The following CIDEA variants were observed in gnomAD, a reference collection of about 807,000 sequenced individuals.
The protein encoded by CIDEA is cell death inducing DFFA like effector a.
Under a neutral mutation model 18.2 loss-of-function variants are expected in CIDEA, and 10 were observed. The observed-to-expected ratio is 0.55, with a 90% confidence interval of 0.34 to 0.93. The LOEUF (loss-of-function observed/expected upper bound fraction) is 0.93, where lower values mean the gene tolerates loss of function less well. CIDEA is among the 40% of genes least tolerant of loss of function. CIDEA has a pLI of 0.02. For missense variants in CIDEA, 309 were observed against 293.1 expected (o/e 1.05, Z -0.40); for synonymous variants, 128 against 124.8 (o/e 1.03, Z -0.17).
Position 12,275,856 on chromosome 18 carries a change from C to T in CIDEA, c.513-1267C>T, listed in dbSNP as rs189421805. On this transcript the variant is annotated intron_variant, in intron 4 of 4. Transcript: ENST00000320477. ...CTTTTTTTTGTCTTTTCCTTTTTGCCGGGTTAGGAGAAAATAGCTTTACAC... is the reference window on the plus strand; with the variant it reads ...CTTTTTTTTGTCTTTTCCTTTTTGCTGGGTTAGGAGAAAATAGCTTTACAC... Among the ~76,000 whole-genome samples, 14 of 152,038 alleles carry T rather than the reference C, an allele frequency of 9.2e-5. 1 individual carries two copies. The highest frequency in any genetic ancestry group is 3.4e-4 in the African/African-American group (14 of 41,458).
Position 12,277,333 on chromosome 18 carries a change from G to T in CIDEA, c.*63G>T. The T allele has an allele frequency of 6.3e-7, 1 of 1,576,198 alleles. No homozygotes were observed. The highest frequency in any genetic ancestry group is 8.7e-7 in the Non-Finnish European group (1 of 1,150,866). The stretch of plus-strand genomic sequence containing the variant: ...TGTTTCGTTTGGCTCAATGACGAAT[G>T]TTGAAGATGCTTTTATGTTCTGAGC... On this transcript the variant is annotated 3_prime_UTR_variant, in exon 5 of 5. Transcript: ENST00000320477.
intron 3 of CIDEA, among the ~76,000 whole-genome samples, chr18:12,265,351 C>T (rs769525267): frequency 4.6e-5 from 7 of 152,248 alleles, no homozygotes; most frequent in Admixed American, 6.5e-5. Flanking sequence ...GAGAGGAACA[C>T]GAACACTGAA....
At chr18:12,268,036 A>T (rs921754865) in intron 3 of CIDEA, among the ~76,000 whole-genome samples, 1 of 152,092 alleles carries the variant, frequency 6.6e-6, no homozygotes, top group Non-Finnish European at 1.5e-5. Context: ...ATAGATATAG[A>T]TATTCCCAAT....
At chr18:12,264,752 A>T (rs1026295339) in intron 3 of CIDEA, among the ~76,000 whole-genome samples, 50 of 152,046 alleles carry the variant, frequency 3.3e-4, no homozygotes, top group African/African-American at 1.2e-3. Flanking sequence ...ACGGGGTTTC[A>T]CCGTGTTAGC....
rs186118035 is a variant in CIDEA, at chr18:12,262,357, A to G, written c.39-468A>G. On this transcript the variant is annotated intron_variant, in intron 1 of 4. Transcript: ENST00000320477. ...AGAAACTTCATTGATTGCTATAGTGACCAATATTGCACTTTTGAATTGATT... is the reference window on the plus strand; with the variant it reads ...AGAAACTTCATTGATTGCTATAGTGGCCAATATTGCACTTTTGAATTGATT... 4.2e-4 allele frequency among the ~76,000 whole-genome samples: 64 copies of G among 152,134 alleles called. 1 individual carries two copies. Among genetic ancestry groups the G allele is most frequent in the African/African-American group, 1.2e-3 (50 of 41,450 alleles).
chr18:12,272,605 C>T (rs1912582882), intron 3 of CIDEA, among the ~76,000 whole-genome samples: 1 of 152,202 alleles, frequency 6.6e-6, no homozygotes, highest in Non-Finnish European at 1.5e-5. Context: ...CTCTTGGCCT[C>T]CCAAAGTGCT....
intron 1 of CIDEA, among the ~76,000 whole-genome samples, chr18:12,258,824 C>T (rs1473272571): frequency 6.6e-6 from 1 of 152,238 alleles, no homozygotes; most frequent in Non-Finnish European, 1.5e-5. Flanking sequence ...TCCAGCGGCA[C>T]TTGGGCCTTT....
At chr18:12,255,807 A>C (rs1350669852) in intron 1 of CIDEA, among the ~76,000 whole-genome samples, 1 of 152,144 alleles carries the variant, frequency 6.6e-6, no homozygotes. Flanking sequence ...CCAAAATCCA[A>C]AATGCATCTG....
At position 12,256,939 on chromosome 18, in the gene CIDEA, T is replaced by G. The variant is rs894071418; in HGVS notation, c.38+2518T>G. ...CAGGCAGTCCTTGTCGGGGCGAGTT[T>G]ATCTGGGGGGTAGGTGTGCTCCCAC... On this transcript the variant is annotated intron_variant, in intron 1 of 4. Coordinates refer to ENST00000320477, the MANE Select transcript of CIDEA (RefSeq NM_001279.4). 2.0e-5 allele frequency among the ~76,000 whole-genome samples: 3 copies of G among 152,158 alleles called. No homozygotes were observed. In the South Asian group the frequency reaches 6.2e-4, roughly 32 times the overall value.
At chr18:12,268,497 C>G (rs1343072115) in intron 3 of CIDEA, among the ~76,000 whole-genome samples, 1 of 150,908 alleles carries the variant, frequency 6.6e-6, no homozygotes, top group Non-Finnish European at 1.5e-5. Context: ...CCTGGGCTCC[C>G]CCACCTCAGC....
intron 3 of CIDEA, among the ~76,000 whole-genome samples, chr18:12,266,782 A>G (rs1269589334): frequency 6.8e-6 from 1 of 146,726 alleles, no homozygotes; most frequent in Admixed American, 6.9e-5. Flanking sequence ...TTTTTTTGAG[A>G]CAGAGTCTCA....
At chr18:12,273,022 A>G (rs1039136364) in intron 3 of CIDEA, among the ~76,000 whole-genome samples, 1 of 151,954 alleles carries the variant, frequency 6.6e-6, no homozygotes, top group Non-Finnish European at 1.5e-5. Context: ...CACAGGAGGG[A>G]GAGCTTTTAG....
In CIDEA at chr18:12,277,213, C is replaced by G. The variant is rs201222803; in HGVS notation, c.603C>G (p.Asp201Glu). ...CATACATGCTCCGGGTGCTGGATGA[C>G]AAGGAAGAGCGGCCATCCCTCCGGT... is the stretch of plus-strand genomic sequence containing the variant. ...LGTYMLRVLD[D>E]KEERPSLRSQ... The change falls in exon 5 of 5, where the codon GAC becomes GAG. Residue 201 changes from aspartate (D) to glutamate (E), a missense_variant. Transcript: ENST00000320477. 89 of 1,614,098 alleles carry G rather than the reference C, an allele frequency of 5.5e-5. No individual in the cohort carries two copies. Among genetic ancestry groups the G allele is most frequent in the Non-Finnish European group, 1.7e-6 (2 of 1,180,052 alleles).
At chr18:12,268,096 G>A (rs145899703) in intron 3 of CIDEA, among the ~76,000 whole-genome samples, 40 of 151,984 alleles carry the variant, frequency 2.6e-4, no homozygotes, top group African/African-American at 9.2e-4. Flanking sequence ...ATGGAGTCTC[G>A]CTCTGTCGCC....
At position 12,277,377 on chromosome 18, in the gene CIDEA, G is replaced by T. The variant is rs541239284; in HGVS notation, c.*107G>T. ...TCTGAGCCACATGCACTTGGAGGCC[G>T]CTGGTCACGCTGCTCAGGAGTGGTG... On this transcript the variant is annotated 3_prime_UTR_variant, in exon 5 of 5. Coordinates refer to ENST00000320477, the MANE Select transcript of CIDEA (RefSeq NM_001279.4). The T allele has an allele frequency of 8.3e-7, 1 of 1,200,952 alleles. No individual in the cohort carries two copies. The highest frequency in any genetic ancestry group is 1.5e-5 in the African/African-American group (1 of 66,568). The allele number at this position is 1,200,952 out of a possible 1,614,324, so 74.4% of individuals were successfully genotyped here.
chr18:12,267,965 G>A (rs1000555792), intron 3 of CIDEA, among the ~76,000 whole-genome samples: 2 of 152,166 alleles, frequency 1.3e-5, no homozygotes, highest in Non-Finnish European at 2.9e-5. Flanking sequence ...AACCCCGACA[G>A]CAAAGACTTA....
intron 1 of CIDEA, among the ~76,000 whole-genome samples, chr18:12,260,997 T>G (rs950964656): frequency 5.9e-5 from 9 of 152,342 alleles, no homozygotes; most frequent in African/African-American, 2.2e-4. Flanking sequence ...CAGATGCCAC[T>G]ATCACGGTGC....
chr18:12,270,222 G>A (rs1912474418), intron 3 of CIDEA, among the ~76,000 whole-genome samples: 1 of 151,970 alleles, frequency 6.6e-6, no homozygotes, highest in Non-Finnish European at 1.5e-5. Flanking sequence ...AGGTGGATGG[G>A]GTCTCTAAGG....
chr18:12,268,067 T>C (rs550928550), intron 3 of CIDEA, among the ~76,000 whole-genome samples: 1 of 152,156 alleles, frequency 6.6e-6, no homozygotes, highest in South Asian at 2.1e-4. Flanking sequence ...GTTTTTTGTT[T>C]GTTTGCTTGT....
Sources: allele counts gnomAD v4.1 joint callset (sites outside exome capture counted in the v4.1 genomes callset), GRCh38; gene constraint gnomAD v4.1.1; transcripts MANE v1.5; gene names NCBI Gene and HGNC (gene_info 2026-07-23, HGNC 2026-07-21).